ETS1: variants seen among roughly 807,000 people sequenced by gnomAD.
The protein encoded by ETS1 is ETS proto-oncogene 1, transcription factor, also known as protein C-ets-1.
In ETS1, 15 loss-of-function variants were observed where a neutral mutation model predicts 58.6. The observed-to-expected ratio is 0.26, with a 90% CI of 0.17 to 0.39. The LOEUF is 0.39. Among genes scored for constraint, ETS1 ranks in the 10% least tolerant of loss-of-function variants. The probability of loss-of-function intolerance (pLI) is 1.00; values close to 1 mark genes in which losing one functional copy is unlikely to be tolerated. For synonymous variants in ETS1, 214 were observed against 218.2 expected (o/e 0.98, Z 0.17); for missense variants, 417 against 610.5 (o/e 0.68, Z 3.34).
chr11:128,520,360 A>G (rs1335184604), intron 3 of ETS1, among the ~76,000 whole-genome samples: 2 of 152,190 alleles, frequency 1.3e-5, no homozygotes, highest in Non-Finnish European at 2.9e-5. Context: ...TATCGACACG[A>G]TATTTCCCAG....
chr11:128,503,759 T>C (rs565242751), intron 3 of ETS1, among the ~76,000 whole-genome samples: 86 of 152,294 alleles, frequency 5.6e-4, no homozygotes, highest in African/African-American at 2.0e-3. Context: ...AAGAGCCACA[T>C]GGGAACCACA....
intron 3 of ETS1, among the ~76,000 whole-genome samples, chr11:128,518,295 A>C (rs898972741): frequency 1.3e-5 from 2 of 152,230 alleles, no homozygotes. Flanking sequence ...ATAATAGATT[A>C]TCAGGAGGTA....
intron 3 of ETS1, among the ~76,000 whole-genome samples, chr11:128,539,921 G>T (rs1227508755): frequency 6.6e-6 from 1 of 152,172 alleles, no homozygotes; most frequent in Non-Finnish European, 1.5e-5. Context: ...AATTTATAAA[G>T]ATAGAAATTA....
rs11828668 is a variant in ETS1 at position 128,548,746 on chromosome 11, C to T, written c.214+7545G>A. ...TCTCCTGGGAGTGGAAAGCTCGTCCCGGGACGCCCCAGCTCCGGGCCGGCT... is the reference window on the plus strand; with the variant it reads ...TCTCCTGGGAGTGGAAAGCTCGTCCTGGGACGCCCCAGCTCCGGGCCGGCT... On this transcript the variant is annotated intron_variant, in intron 3 of 9. Transcript: ENST00000392668. 4.5e-3 allele frequency among the ~76,000 whole-genome samples: 678 copies of T among 152,342 alleles called. 7 individuals are homozygous for T. The highest frequency in any genetic ancestry group is 0.016 in the African/African-American group (652 of 41,578).
chr11:128,502,023 G>GAGAA (rs1863103693), intron 3 of ETS1, among the ~76,000 whole-genome samples: 1 of 152,184 alleles, frequency 6.6e-6, no homozygotes, highest in African/African-American at 2.4e-5. Flanking sequence ...GAGAGAGAGA[G>GAGAA]AGAAAGAGAG....
chr11:128,533,769 T>A (rs1254881130), intron 3 of ETS1, among the ~76,000 whole-genome samples: 1 of 152,212 alleles, frequency 6.6e-6, no homozygotes, highest in Admixed American at 6.5e-5. Context: ...GCGCTTACGT[T>A]ACCAAAAATA....
chr11:128,551,056 C>T (rs1318176334), intron 3 of ETS1, among the ~76,000 whole-genome samples: 2 of 152,128 alleles, frequency 1.3e-5, no homozygotes, highest in Admixed American at 1.3e-4. Flanking sequence ...CTCTCAGGAC[C>T]GTTCTGTTCT....
rs113342163 is a variant in ETS1 at position 128,537,125 on chromosome 11, T to G, written c.214+19166A>C. On this transcript the variant is annotated intron_variant, in intron 3 of 9. Coordinates refer to ENST00000392668, the MANE Select transcript of ETS1 (RefSeq NM_001143820.2). ...AGTCAGCTGTGCAAAATACTGAAGATGCATATTAGCTCAACTCTTTCAAAT... is the reference window on the plus strand; with the variant it reads ...AGTCAGCTGTGCAAAATACTGAAGAGGCATATTAGCTCAACTCTTTCAAAT... 6.8e-3 allele frequency among the ~76,000 whole-genome samples: 1,030 copies of G among 152,300 alleles called. 12 individuals carry two copies. The highest frequency in any genetic ancestry group is 0.024 in the African/African-American group (981 of 41,550).
chr11:128,567,745 G>A (rs1864534343), intron 2 of ETS1, among the ~76,000 whole-genome samples: 2 of 152,128 alleles, frequency 1.3e-5, no homozygotes, highest in Non-Finnish European at 2.9e-5. Context: ...CGATTCTCCT[G>A]TCTCAGCCTC....
In ETS1 at chr11:128,561,727, A is replaced by G. The variant is rs574646017; in HGVS notation, c.70-5292T>C. On this transcript the variant is annotated intron_variant, in intron 2 of 9. Coordinates refer to ENST00000392668, the MANE Select transcript of ETS1 (RefSeq NM_001143820.2). ...TTATGTTTATGCAGTGAAAATGGTG[A>G]ATCTACGGGACGGACATAAATAAGG... 9.8e-5 allele frequency among the ~76,000 whole-genome samples: 15 copies of G among 152,346 alleles called. 1 individual carries two copies. The South Asian group carries it at 3.1e-3, about 32-fold the overall frequency.
chr11:128,484,701 G>T, intron 7 of ETS1, 122 bp downstream of exon 7: 1 of 851,368 alleles, frequency 1.2e-6, no homozygotes, highest in Non-Finnish European at 1.8e-6. Flanking sequence ...AGATGGGAAG[G>T]CTGAAACTGA....
rs918117027 is a variant in ETS1, at chr11:128,517,697, C to G, written c.215-27121G>C. Among the ~76,000 whole-genome samples, 17 of 152,032 alleles carry G rather than the reference C, an allele frequency of 1.1e-4. 1 individual carries two copies. Among genetic ancestry groups the G allele is most frequent in the Non-Finnish European group, 4.4e-5 (3 of 68,000 alleles). On this transcript the variant is annotated intron_variant, in intron 3 of 9. Transcript: ENST00000392668. ...CAGAGTTATCTGCTGTATTCTGAAA[C>G]AGGGAGACTCTCCTGAAAAATCCTG...
At position 128,461,780 on chromosome 11, in the gene ETS1, T is replaced by C. The variant is rs1344785333; in HGVS notation, c.*581A>G. The C allele has an allele frequency of 6.5e-6, 1 of 152,862 alleles. No homozygotes were observed. Among genetic ancestry groups the C allele is most frequent in the Non-Finnish European group, 1.5e-5 (1 of 68,152 alleles). 9.5% of individuals were successfully genotyped at this position (152,862 alleles called of 1,614,324 possible). ...AAGAAAAAAAATACTGGCACAAAAT[T>C]TAATAAAATAAATTTTAACACAACA... On this transcript the variant is annotated 3_prime_UTR_variant, in exon 10 of 10. Coordinates refer to ENST00000392668, the MANE Select transcript of ETS1 (RefSeq NM_001143820.2).
At chr11:128,513,589 G>A (rs1208205046) in intron 3 of ETS1, among the ~76,000 whole-genome samples, 4 of 151,244 alleles carry the variant, frequency 2.6e-5, no homozygotes, top group Non-Finnish European at 5.9e-5. Flanking sequence ...CATTTATTTC[G>A]TGTCTTAATG....
At chr11:128,502,894 T>A (rs1221986330) in intron 3 of ETS1, among the ~76,000 whole-genome samples, 10 of 152,208 alleles carry the variant, frequency 6.6e-5, no homozygotes, top group African/African-American at 1.9e-4. Context: ...TCCTCCTGCA[T>A]GCCTTCATTG....
intron 3 of ETS1, among the ~76,000 whole-genome samples, chr11:128,515,894 T>C (rs189722702): frequency 3.0e-4 from 46 of 152,296 alleles, no homozygotes; most frequent in African/African-American, 1.1e-3. Context: ...ACATTTGAAG[T>C]GTCAAGTGAC....
chr11:128,585,414 A>G (rs1052848312), intron 1 of ETS1, among the ~76,000 whole-genome samples: 8 of 152,200 alleles, frequency 5.3e-5, no homozygotes, highest in Admixed American at 5.2e-4. Context: ...TGATGTGAAC[A>G]GTTGGGAATT....
At chr11:128,567,601 TG>T (rs1379289900) in intron 2 of ETS1, among the ~76,000 whole-genome samples, 20 of 151,944 alleles carry the variant, frequency 1.3e-4, no homozygotes, top group African/African-American at 4.6e-4. Flanking sequence ...GCAAGTTTTT[TG>T]TTTTTTGGGT....
At chr11:128,545,352 A>G (rs1346717544) in intron 3 of ETS1, among the ~76,000 whole-genome samples, 1 of 152,228 alleles carries the variant, frequency 6.6e-6, no homozygotes, top group African/African-American at 2.4e-5. Context: ...GAAGATGTGA[A>G]CAAATGTTTG....
Sources: allele counts gnomAD v4.1 joint callset (sites outside exome capture counted in the v4.1 genomes callset), GRCh38; gene constraint gnomAD v4.1.1; transcripts MANE v1.5; gene names NCBI Gene and HGNC (gene_info 2026-07-23, HGNC 2026-07-21).